Variants in SRPK1 observed in about 807,000 individuals in gnomAD.
The protein encoded by SRPK1 is SRSF protein kinase 1, also known as SFRS protein kinase 1.
A neutral mutation model predicts 89.5 loss-of-function variants in SRPK1; 52 were observed. That is an observed-to-expected ratio of 0.58 (90% CI 0.46 to 0.73). The LOEUF (loss-of-function observed/expected upper bound fraction) is 0.73, where lower values mean the gene tolerates loss of function less well. SRPK1 is among the 30% of genes least tolerant of loss of function. The probability of loss-of-function intolerance (pLI) is 0.00; values close to 1 mark genes in which losing one functional copy is unlikely to be tolerated. For synonymous variants in SRPK1, 255 were observed against 270.2 expected (o/e 0.94, Z 0.55); for missense variants, 603 against 780.6 (o/e 0.77, Z 2.71).
At chr6:35,853,844 C>A (rs1421507008) in intron 13 of SRPK1, among the ~76,000 whole-genome samples, 1 of 151,828 alleles carries the variant, frequency 6.6e-6, no homozygotes, top group Non-Finnish European at 1.5e-5. Flanking sequence ...TCTCATCCTG[C>A]CAGTTATGGT....
At chr6:35,897,897 T>C (rs1014122909) in intron 2 of SRPK1, among the ~76,000 whole-genome samples, 5 of 152,244 alleles carry the variant, frequency 3.3e-5, no homozygotes, top group Admixed American at 6.5e-5. Context: ...GTGGGTTGAA[T>C]AGATTTATTA....
At chr6:35,871,085 A>G in intron 8 of SRPK1, 126 bp from the exon 9 acceptor site, 2 of 550,322 alleles carry the variant, frequency 3.6e-6, no homozygotes, top group South Asian at 1.1e-4. Context: ...AGAGAAAACT[A>G]TTGTTTTTAA....
chr6:35,874,005 T>C (rs181919480), intron 7 of SRPK1, among the ~76,000 whole-genome samples: 1 of 150,692 alleles, frequency 6.6e-6, no homozygotes, highest in African/African-American at 2.4e-5. Flanking sequence ...CTTTTTGTAT[T>C]TTGAGTAGAG....
At chr6:35,868,041 T>C (rs1269966418) in intron 12 of SRPK1, among the ~76,000 whole-genome samples, 1 of 152,084 alleles carries the variant, frequency 6.6e-6, no homozygotes, top group Non-Finnish European at 1.5e-5. Flanking sequence ...GGCGTGATCT[T>C]GGCTCGCCGA....
At chr6:35,885,260 A>AACAC (rs71540130) in intron 6 of SRPK1, among the ~76,000 whole-genome samples, 10,611 of 111,304 alleles carry the variant, frequency 0.095, 633 homozygotes, top group Middle Eastern at 0.14. Flanking sequence ...TAATTCTTTG[A>AACAC]ACACACACAC....
chr6:35,890,851 A>G, intron 3 of SRPK1, 44 bp downstream of exon 3: 1 of 1,486,292 alleles, frequency 6.7e-7, no homozygotes, highest in Non-Finnish European at 8.9e-7. Context: ...AGAAATTGCA[A>G]ATAGATGGCT....
intron 12 of SRPK1, among the ~76,000 whole-genome samples, chr6:35,867,631 C>T (rs1769935542): frequency 6.6e-6 from 1 of 152,158 alleles, no homozygotes; most frequent in South Asian, 2.1e-4. Flanking sequence ...GCCTGGCCAA[C>T]ATGGTGAAAC....
chr6:35,912,765 T>C (rs957420380), intron 2 of SRPK1, among the ~76,000 whole-genome samples: 3 of 152,226 alleles, frequency 2.0e-5, no homozygotes, highest in Non-Finnish European at 4.4e-5. Context: ...AAGGTCTAAA[T>C]TGATTTTAGT....
At chr6:35,877,695 T>C (rs1398258200) in intron 6 of SRPK1, among the ~76,000 whole-genome samples, 1 of 151,870 alleles carries the variant, frequency 6.6e-6, no homozygotes, top group Admixed American at 6.6e-5. Context: ...ACAAAAAAAC[T>C]AGCCAGGCAT....
At chr6:35,889,354 C>G (rs1243824614) in intron 3 of SRPK1, among the ~76,000 whole-genome samples, 2 of 149,806 alleles carry the variant, frequency 1.3e-5, no homozygotes, top group Non-Finnish European at 3.0e-5. Flanking sequence ...TAAATAAAAA[C>G]AAAACAAAAC....
At chr6:35,879,223 G>A in intron 6 of SRPK1, among the ~76,000 whole-genome samples, 1 of 151,972 alleles carries the variant, frequency 6.6e-6, no homozygotes, top group Non-Finnish European at 1.5e-5. Context: ...ATCCTTGGAA[G>A]AGAAAGACTA....
chr6:35,915,993 TATATAC>T lies in SRPK1; in HGVS notation c.74+4469_74+4474del, dbSNP rs1201362766. On this transcript the variant is annotated intron_variant, in intron 2 of 15. Coordinates refer to ENST00000373825, the MANE Select transcript of SRPK1 (RefSeq NM_003137.5). ...TCTCAAAAACAAAAAAAAAAAAAAA[TATATAC>T]ACACACACACACACACACACACACA... Among the ~76,000 whole-genome samples the T allele has an allele frequency of 2.7e-3, 140 of 51,190 alleles. 4 individuals are homozygous for T. Among genetic ancestry groups the T allele is most frequent in the African/African-American group, 0.01 (128 of 12,380 alleles). The allele number at this position is 51,190 out of a possible 152,430, so 33.6% of individuals were successfully genotyped here. A position where few individuals can be genotyped will look rare whatever the true frequency, so the allele number is the denominator to read the frequency against.
chr6:35,858,625 GAA>G (rs1448113224), intron 12 of SRPK1, among the ~76,000 whole-genome samples: 4 of 152,158 alleles, frequency 2.6e-5, no homozygotes, highest in African/African-American at 9.7e-5. Flanking sequence ...AACTGAGAGT[GAA>G]AGCAGAATAA....
chr6:35,847,761 T>A (rs181249340), intron 13 of SRPK1, among the ~76,000 whole-genome samples: 1 of 151,918 alleles, frequency 6.6e-6, no homozygotes, highest in Non-Finnish European at 1.5e-5. Context: ...AAAATGCTGA[T>A]AAAAGAAATT....
At chr6:35,876,573 T>G (rs1399419837) in intron 6 of SRPK1, among the ~76,000 whole-genome samples, 1 of 151,846 alleles carries the variant, frequency 6.6e-6, no homozygotes, top group Non-Finnish European at 1.5e-5. Flanking sequence ...GCCCAGGAGG[T>G]CAAGGCTGCA....
intron 13 of SRPK1, among the ~76,000 whole-genome samples, chr6:35,851,882 A>C (rs935487811): frequency 3.3e-5 from 5 of 152,180 alleles, no homozygotes; most frequent in African/African-American, 1.2e-4. Flanking sequence ...TATAAGCAAA[A>C]AGTAAACAAT....
intron 2 of SRPK1, among the ~76,000 whole-genome samples, chr6:35,897,169 A>G (rs1169455635): frequency 6.6e-6 from 1 of 152,230 alleles, no homozygotes; most frequent in African/African-American, 2.4e-5. Context: ...ATGTTAAAAC[A>G]ATGGAAGTGT....
chr6:35,864,130 G>C (rs893145587), intron 12 of SRPK1, among the ~76,000 whole-genome samples: 4 of 152,022 alleles, frequency 2.6e-5, no homozygotes, highest in African/African-American at 7.3e-5. Flanking sequence ...CACTGGTCTG[G>C]GCAAAAATTT....
At chr6:35,917,903 G>C (rs1771146707) in intron 2 of SRPK1, among the ~76,000 whole-genome samples, 1 of 152,186 alleles carries the variant, frequency 6.6e-6, no homozygotes, top group African/African-American at 2.4e-5. Flanking sequence ...AGGTCAGATT[G>C]CTAAAAAGTA....
Sources: allele counts gnomAD v4.1 joint callset (sites outside exome capture counted in the v4.1 genomes callset), GRCh38; gene constraint gnomAD v4.1.1; transcripts MANE v1.5; gene names NCBI Gene and HGNC (gene_info 2026-07-23, HGNC 2026-07-21).